Variants in SAMD12 observed in about 807,000 individuals in gnomAD.
SAMD12 encodes the protein sterile alpha motif domain-containing protein 12.
Under a neutral mutation model 15.0 loss-of-function variants are expected in SAMD12, and 9 were observed. The ratio of observed to expected loss-of-function variants is 0.60; its 90% CI spans 0.36 to 1.05. The LOEUF (loss-of-function observed/expected upper bound fraction) is 1.05. Ranked by LOEUF, SAMD12 falls within the 50% of genes least tolerant of loss-of-function variation. The pLI is 0.01. For synonymous variants in SAMD12, 86 were observed against 90.1 expected (o/e 0.96, Z 0.25); for missense variants, 230 against 234.2 (o/e 0.98, Z 0.12).
At chr8:118,302,317 G>A (rs565298193) in intron 4 of SAMD12, among the ~76,000 whole-genome samples, 1 of 152,062 alleles carries the variant, frequency 6.6e-6, no homozygotes, top group African/African-American at 2.4e-5. Context: ...TTAGTTCTTT[G>A]CTCATAAATT....
chr8:118,180,452 C>G, the SAMD12 span, among the ~76,000 whole-genome samples: 1 of 152,194 alleles, frequency 6.6e-6, no homozygotes, highest in African/African-American at 2.4e-5. Context: ...GACCCTGGGT[C>G]ATTTCCTAAC....
chr8:118,573,861 C>G (rs1181263815), intron 2 of SAMD12, among the ~76,000 whole-genome samples: 1 of 152,172 alleles, frequency 6.6e-6, no homozygotes, highest in Non-Finnish European at 1.5e-5. Flanking sequence ...AAAATTTCAT[C>G]TTTTTATTAT....
At chr8:118,284,133 G>A in intron 4 of SAMD12, 4 of 370,784 alleles carry the variant, frequency 1.1e-5, no homozygotes, top group South Asian at 8.2e-5. Flanking sequence ...GCCCTTCCAT[G>A]TATATTCTTT....
chr8:118,610,896 C>G (rs1656929220), intron 1 of SAMD12, among the ~76,000 whole-genome samples: 1 of 152,312 alleles, frequency 6.6e-6, no homozygotes, highest in South Asian at 2.1e-4. Flanking sequence ...TGATCTTACT[C>G]TATCCCTAGA....
chr8:118,619,410 C>T (rs567231616), intron 1 of SAMD12, among the ~76,000 whole-genome samples: 13 of 144,166 alleles, frequency 9.0e-5, no homozygotes, highest in Non-Finnish European at 1.3e-4. Context: ...ACCTGGGAGG[C>T]GGAGCTTGCA....
chr8:118,607,200 G>A (rs1828005682), intron 1 of SAMD12, among the ~76,000 whole-genome samples: 2 of 151,892 alleles, frequency 1.3e-5, no homozygotes, highest in Non-Finnish European at 2.9e-5. Flanking sequence ...AGAAAATTCT[G>A]AAGATGATAA....
intron 2 of SAMD12, among the ~76,000 whole-genome samples, chr8:118,563,371 C>A (rs547974875): frequency 3.3e-5 from 5 of 152,336 alleles, no homozygotes; most frequent in Admixed American, 6.5e-5. Context: ...CAGTCCCCTT[C>A]TCATTCCATT....
chr8:118,284,277 G>A (rs1265079008), intron 4 of SAMD12: 1 of 456,226 alleles, frequency 2.2e-6, no homozygotes, highest in African/African-American at 2.0e-5. Flanking sequence ...TACAGTTTGG[G>A]TGTGCACCTG....
chr8:118,227,677 G>A (rs972640208), intron 4 of SAMD12, among the ~76,000 whole-genome samples: 2 of 152,242 alleles, frequency 1.3e-5, no homozygotes, highest in Admixed American at 6.5e-5. Context: ...TATAGAGCTT[G>A]AAGAATATTT....
At chr8:118,506,950 G>A (rs1824937215) in intron 2 of SAMD12, among the ~76,000 whole-genome samples, 1 of 152,014 alleles carries the variant, frequency 6.6e-6, no homozygotes, top group African/African-American at 2.4e-5. Flanking sequence ...GGAGGGTATG[G>A]TGGTCATAAA....
At chr8:118,425,166 C>A (rs1563852282) in intron 3 of SAMD12, among the ~76,000 whole-genome samples, 1 of 152,080 alleles carries the variant, frequency 6.6e-6, no homozygotes, top group Non-Finnish European at 1.5e-5. Flanking sequence ...TCTCAATTTC[C>A]TGACCTTGTG....
intron 4 of SAMD12, among the ~76,000 whole-genome samples, chr8:118,232,045 G>A (rs192970545): frequency 1.4e-4 from 22 of 152,260 alleles, no homozygotes; most frequent in Admixed American, 5.2e-4. Flanking sequence ...CACTTGCCTC[G>A]TAATGTTATC....
intron 2 of SAMD12, among the ~76,000 whole-genome samples, chr8:118,550,219 A>G (rs951463225): frequency 7.9e-5 from 12 of 152,204 alleles, no homozygotes; most frequent in Admixed American, 2.6e-4. Flanking sequence ...TCCAAGACAC[A>G]TAATTGTCAG....
intron 3 of SAMD12, among the ~76,000 whole-genome samples, chr8:118,433,648 T>G (rs571301631): frequency 6.6e-6 from 1 of 152,104 alleles, no homozygotes; most frequent in Non-Finnish European, 1.5e-5. Flanking sequence ...TACTGGAAAA[T>G]TAGGAGAAAC....
exon 5 of SAMD12, chr8:118,190,809 G>C (rs1819347154): frequency 6.6e-6 from 1 of 152,154 alleles, no homozygotes; most frequent in Non-Finnish European, 1.5e-5. Context: ...GTGGCCCAGA[G>C]AGACTGGGCT....
intron 3 of SAMD12, among the ~76,000 whole-genome samples, chr8:118,429,882 A>G (rs1241560240): frequency 6.6e-6 from 1 of 152,130 alleles, no homozygotes; most frequent in Non-Finnish European, 1.5e-5. Context: ...TGACAGAGTG[A>G]GATTCTGTCA....
In SAMD12 at chr8:118,436,728, T is replaced by C. The variant is rs552740079; in HGVS notation, c.322+3104A>G. On this transcript the variant is annotated intron_variant, in intron 3 of 3. Transcript: ENST00000314727. ...GAATGTTTTGTTTCCCTTAGATGCTTCTTTCCCTCCTTTCCCAGGATAATA... is the reference window on the plus strand; with the variant it reads ...GAATGTTTTGTTTCCCTTAGATGCTCCTTTCCCTCCTTTCCCAGGATAATA... Among the ~76,000 whole-genome samples the C allele has an allele frequency of 7.9e-5, 12 of 152,324 alleles. No individual in the cohort carries two copies. The South Asian group carries it at 2.5e-3, about 32-fold the overall frequency.
chr8:118,244,212 A>C (rs1442578226), intron 4 of SAMD12, among the ~76,000 whole-genome samples: 1 of 152,154 alleles, frequency 6.6e-6, no homozygotes, highest in East Asian at 1.9e-4. Context: ...CTTTCCAAAA[A>C]ACCCTTTGAG....
intron 2 of SAMD12, among the ~76,000 whole-genome samples, chr8:118,443,893 A>C (rs1822828086): frequency 6.6e-6 from 1 of 152,208 alleles, no homozygotes; most frequent in Non-Finnish European, 1.5e-5. Context: ...CTTCACTTCC[A>C]CGTACAATTA....
Sources: gnomAD v4.1 joint callset for allele counts (sites outside exome capture counted in the v4.1 genomes callset) on GRCh38, gnomAD v4.1.1 for gene constraint, MANE v1.5 for transcripts, NCBI Gene and HGNC (gene_info 2026-07-23, HGNC 2026-07-21) for gene names.